Variants in ST8SIA4 observed in about 807,000 individuals in gnomAD.
The protein encoded by ST8SIA4 is CMP-N-acetylneuraminate-poly-alpha-2,8-sialyltransferase.
Under a neutral mutation model 33.9 loss-of-function variants are expected in ST8SIA4, and 15 were observed. That is an observed-to-expected ratio of 0.44 (90% CI 0.30 to 0.68). The LOEUF (loss-of-function observed/expected upper bound fraction) is 0.68, where lower values mean the gene tolerates loss of function less well. Among genes scored for constraint, ST8SIA4 ranks in the 30% least tolerant of loss-of-function variants. ST8SIA4 has a pLI of 0.10. For missense variants in ST8SIA4, 321 were observed against 428.0 expected, an observed-to-expected ratio of 0.75 and a Z score of 2.21; for synonymous variants, 171 against 151.2, an observed-to-expected ratio of 1.13 and a Z score of -0.96.
At chr5:100,825,815 C>A (rs554262960) in intron 4 of ST8SIA4, among the ~76,000 whole-genome samples, 2 of 152,116 alleles carry the variant, frequency 1.3e-5, no homozygotes, top group Non-Finnish European at 2.9e-5. Flanking sequence ...TTTACCTAAC[C>A]TGTAGCTTGT....
Position 100,815,825 on chromosome 5 carries a change from C to T in ST8SIA4, c.798-3696G>A, listed in dbSNP as rs73163652. ...AAAGCTGCTTCACTTCTTTGGAGCCCAGTTAACAATATTTAACAAGAAAGG... is the reference window on the plus strand; with the variant it reads ...AAAGCTGCTTCACTTCTTTGGAGCCTAGTTAACAATATTTAACAAGAAAGG... On this transcript the variant is annotated intron_variant, in intron 4 of 4. Coordinates refer to ENST00000231461, the MANE Select transcript of ST8SIA4 (RefSeq NM_005668.6). Among the ~76,000 whole-genome samples, 1,121 of 152,090 alleles carry T rather than the reference C, an allele frequency of 7.4e-3. 12 individuals carry two copies. The highest frequency in any genetic ancestry group is 0.025 in the African/African-American group (1,035 of 41,512).
chr5:100,900,418 T>C (rs1291056091), intron 1 of ST8SIA4: 2 of 455,990 alleles, frequency 4.4e-6, no homozygotes, highest in Non-Finnish European at 8.8e-6. Context: ...AGACAGTCAA[T>C]GAGATGATTT....
At chr5:100,857,659 G>T (rs1483241775) in intron 3 of ST8SIA4, among the ~76,000 whole-genome samples, 1 of 151,694 alleles carries the variant, frequency 6.6e-6, no homozygotes, top group Non-Finnish European at 1.5e-5. Context: ...CACATTAATT[G>T]AATTATTAAA....
At chr5:100,896,853 T>A (rs1439600529) in intron 1 of ST8SIA4, among the ~76,000 whole-genome samples, 2 of 152,170 alleles carry the variant, frequency 1.3e-5, no homozygotes, top group Admixed American at 1.3e-4. Flanking sequence ...AGAAGGCATA[T>A]ATGCATAATA....
At position 100,886,408 on chromosome 5, in the gene ST8SIA4, T is replaced by C. The variant is rs749605906; in HGVS notation, c.438A>G (p.Gly146=). 1 of 1,613,940 alleles carries C rather than the reference T, an allele frequency of 6.2e-7. No homozygotes were observed. Among genetic ancestry groups the C allele is most frequent in the Non-Finnish European group, 8.5e-7 (1 of 1,179,822 alleles). ...CACTGTCTAACAGAATGCCAGAATTTCCAACAACTGCACAGGTCTTAAACC... is the reference window on the plus strand; with the variant it reads ...CACTGTCTAACAGAATGCCAGAATTCCCAACAACTGCACAGGTCTTAAACC... ...NRRFKTCAVV[G]NSGILLDSEC... is the part of the protein sequence containing the mutation. The change falls in exon 3 of 5, where the codon GGA becomes GGG. Residue 146 remains glycine (G), a synonymous_variant. Coordinates refer to ENST00000231461, the MANE Select transcript of ST8SIA4 (RefSeq NM_005668.6).
intron 1 of ST8SIA4, among the ~76,000 whole-genome samples, chr5:100,899,742 C>A (rs892299891): frequency 6.6e-6 from 1 of 152,072 alleles, no homozygotes; most frequent in African/African-American, 2.4e-5. Context: ...CTTGTGGGAG[C>A]CTTACATTAA....
chr5:100,857,889 T>C (rs1454161740), intron 3 of ST8SIA4, among the ~76,000 whole-genome samples: 1 of 152,018 alleles, frequency 6.6e-6, no homozygotes, highest in Non-Finnish European at 1.5e-5. Context: ...AGTATAAAGA[T>C]TATTATCTTT....
chr5:100,893,137 G>T (rs982208564), intron 2 of ST8SIA4, among the ~76,000 whole-genome samples: 1 of 151,990 alleles, frequency 6.6e-6, no homozygotes, highest in Admixed American at 6.6e-5. Flanking sequence ...GAGGAAGAAA[G>T]AAAATAATAA....
chr5:100,869,601 T>C (rs1752153000), intron 3 of ST8SIA4, among the ~76,000 whole-genome samples: 1 of 152,162 alleles, frequency 6.6e-6, no homozygotes, highest in African/African-American at 2.4e-5. Context: ...TATGCTCATG[T>C]TTCTGTACTT....
At chr5:100,827,015 G>A (rs1443170789) in intron 4 of ST8SIA4, among the ~76,000 whole-genome samples, 1 of 151,250 alleles carries the variant, frequency 6.6e-6, no homozygotes, top group Non-Finnish European at 1.5e-5. Context: ...TCCTCCCCAA[G>A]TTTTTGTTAC....
chr5:100,832,611 T>G (rs1235424344), intron 4 of ST8SIA4, among the ~76,000 whole-genome samples: 1 of 152,092 alleles, frequency 6.6e-6, no homozygotes, highest in Non-Finnish European at 1.5e-5. Flanking sequence ...CTAACTAACT[T>G]CCACATATAT....
At chr5:100,862,590 C>A in intron 3 of ST8SIA4, among the ~76,000 whole-genome samples, 1 of 151,320 alleles carries the variant, frequency 6.6e-6, no homozygotes, top group East Asian at 1.9e-4. Context: ...TTAGTAGAGA[C>A]GGGGTTTCAC....
chr5:100,889,436 G>C (rs1166003753), intron 2 of ST8SIA4, among the ~76,000 whole-genome samples: 1 of 151,924 alleles, frequency 6.6e-6, no homozygotes, highest in Non-Finnish European at 1.5e-5. Flanking sequence ...ATGTTTGCAA[G>C]CTGCAGTGAG....
At chr5:100,829,833 G>A (rs561005280) in intron 4 of ST8SIA4, among the ~76,000 whole-genome samples, 7 of 151,706 alleles carry the variant, frequency 4.6e-5, no homozygotes, top group Non-Finnish European at 8.8e-5. Context: ...GCGTGAACCC[G>A]GGAGGCGGAG....
At chr5:100,892,082 A>T (rs570376780) in intron 2 of ST8SIA4, among the ~76,000 whole-genome samples, 14 of 152,082 alleles carry the variant, frequency 9.2e-5, no homozygotes. Flanking sequence ...TGATGTGATA[A>T]AGCTATCCTG....
intron 4 of ST8SIA4, among the ~76,000 whole-genome samples, chr5:100,814,073 G>T (rs147886814): frequency 6.6e-6 from 1 of 151,980 alleles, no homozygotes; most frequent in Non-Finnish European, 1.5e-5. Flanking sequence ...TGTAACTATG[G>T]TTGCTCATTG....
intron 4 of ST8SIA4, among the ~76,000 whole-genome samples, chr5:100,817,035 C>A (rs10478598): frequency 6.7e-6 from 1 of 149,530 alleles, no homozygotes; most frequent in East Asian, 1.9e-4. Context: ...CTCTGCCTCC[C>A]GGGTTGAAAC....
chr5:100,816,939 CTTT>C (rs756462025), intron 4 of ST8SIA4, among the ~76,000 whole-genome samples: 3 of 140,622 alleles, frequency 2.1e-5, no homozygotes, highest in African/African-American at 2.6e-5. Context: ...GGCTTTTTTT[CTTT>C]TTTTTTTTTT....
rs946150432 is a variant in ST8SIA4, at chr5:100,808,069, T to C, written c.*3778A>G. 2 of 152,522 alleles carry C rather than the reference T, an allele frequency of 1.3e-5. No individual in the cohort carries two copies. Among genetic ancestry groups the C allele is most frequent in the Non-Finnish European group, 2.9e-5 (2 of 67,976 alleles). The allele number at this position is 152,522 out of a possible 1,614,324, so 9.4% of individuals were successfully genotyped here. Reference sequence around the variant, plus strand: ...TCTTCCCATACCCCTTCCACAATTATATATACTCCCTACAATAACCACATG... The same window carrying C: ...TCTTCCCATACCCCTTCCACAATTACATATACTCCCTACAATAACCACATG... On this transcript the variant is annotated 3_prime_UTR_variant, in exon 5 of 5. Coordinates refer to ENST00000231461, the MANE Select transcript of ST8SIA4 (RefSeq NM_005668.6).
Sources: allele counts gnomAD v4.1 joint callset (sites outside exome capture counted in the v4.1 genomes callset), GRCh38; gene constraint gnomAD v4.1.1; transcripts MANE v1.5; gene names NCBI Gene and HGNC (gene_info 2026-07-23, HGNC 2026-07-21).